The following FBXW11 variants were observed in gnomAD, a reference collection of about 807,000 sequenced individuals.
The protein encoded by FBXW11 is F-box/WD repeat-containing protein 11.
FBXW11 carries 19 observed loss-of-function variants against 77.6 expected under a neutral mutation model. That is an observed-to-expected ratio of 0.24 (90% CI 0.17 to 0.36). The LOEUF is 0.36. FBXW11 is among the 10% of genes least tolerant of loss of function. The probability of loss-of-function intolerance (pLI) is 1.00; values close to 1 mark genes in which losing one functional copy is unlikely to be tolerated. For missense variants in FBXW11, 334 were observed against 704.2 expected (o/e 0.47, Z 5.95); for synonymous variants, 235 against 249.4 (o/e 0.94, Z 0.54).
chr5:171,937,525 T>A (rs1762537337), intron 2 of FBXW11, among the ~76,000 whole-genome samples: 1 of 152,086 alleles, frequency 6.6e-6, no homozygotes, highest in Admixed American at 6.6e-5. Flanking sequence ...TGTGCTCCAA[T>A]AAAACTTTAT....
intron 2 of FBXW11, among the ~76,000 whole-genome samples, chr5:171,924,053 T>C (rs990834863): frequency 5.3e-5 from 8 of 150,404 alleles, no homozygotes; most frequent in Admixed American, 3.3e-4. Context: ...GCCTCCCGAG[T>C]AGCTGGGACT....
chr5:171,896,104 G>A (rs971015448), intron 6 of FBXW11, among the ~76,000 whole-genome samples: 8 of 152,106 alleles, frequency 5.3e-5, no homozygotes, highest in African/African-American at 1.9e-4. Flanking sequence ...GCCAATTTTC[G>A]GTGGGTCAAT....
chr5:171,894,181 G>GGACAGAGGAC (rs1759584148), intron 6 of FBXW11, among the ~76,000 whole-genome samples: 1 of 152,102 alleles, frequency 6.6e-6, no homozygotes, highest in Admixed American at 6.6e-5. Flanking sequence ...TGAGATGTCT[G>GGACAGAGGAC]GACAGAGGAC....
chr5:171,967,716 G>C (rs1764271086), intron 1 of FBXW11, among the ~76,000 whole-genome samples: 1 of 151,880 alleles, frequency 6.6e-6, no homozygotes, highest in African/African-American at 2.4e-5. Flanking sequence ...GGGTACGCCT[G>C]AAGTCCCAGC....
chr5:171,880,084 T>C (rs1758400675), intron 7 of FBXW11, among the ~76,000 whole-genome samples: 1 of 152,244 alleles, frequency 6.6e-6, no homozygotes, highest in Non-Finnish European at 1.5e-5. Flanking sequence ...GTCAGGTCTT[T>C]AATCCATTTT....
Position 171,876,173 on chromosome 5 carries a change from C to G in FBXW11, c.1221+112G>C, listed in dbSNP as rs942348669. 4.5e-6 allele frequency: 6 copies of G among 1,322,406 alleles called. No homozygotes were observed. The African/African-American group carries it at 8.6e-5, about 19-fold the overall frequency. The allele number at this position is 1,322,406 out of a possible 1,614,324, so 81.9% of individuals were successfully genotyped here. A position where few individuals can be genotyped will look rare whatever the true frequency, so the allele number is the denominator to read the frequency against. On this transcript the variant is annotated intron_variant, in intron 9 of 13. Transcript: ENST00000517395. This position sits in a 1 kb window ranked among gnomAD's most constrained non-coding sequence, Gnocchi z 4.2. Reference sequence around the variant, plus strand: ...GGATGGCCTCAAGGGTTCATAAGCACAGAGGAGAATAAAGATCTTGCCAGG... The same window carrying G: ...GGATGGCCTCAAGGGTTCATAAGCAGAGAGGAGAATAAAGATCTTGCCAGG...
In FBXW11 at chr5:171,862,764, C is replaced by T. The variant is rs181645006; in HGVS notation, c.*1363G>A. On this transcript the variant is annotated 3_prime_UTR_variant, in exon 14 of 14. Coordinates refer to ENST00000517395, the MANE Select transcript of FBXW11 (RefSeq NM_001378974.1). ...TTCATGGGCTTGAGGCTTCACTCCA[C>T]TTCAGAGCACCCACCCCTCAGCATG... 1.3e-5 allele frequency: 2 copies of T among 152,392 alleles called. No individual in the cohort carries two copies. The highest frequency in any genetic ancestry group is 1.9e-4 in the East Asian group (1 of 5,184). 9.4% of individuals were successfully genotyped at this position (152,392 alleles called of 1,614,324 possible). A position where few individuals can be genotyped will look rare whatever the true frequency, so the allele number is the denominator to read the frequency against.
At chr5:171,986,786 C>T (rs1440429355) in intron 1 of FBXW11, among the ~76,000 whole-genome samples, 1 of 152,168 alleles carries the variant, frequency 6.6e-6, no homozygotes, top group Non-Finnish European at 1.5e-5. Flanking sequence ...TGAAGCTCTA[C>T]CTATCCACAG....
At position 171,899,911 on chromosome 5, in the gene FBXW11, T is replaced by C; in HGVS notation, c.623+3A>G. 1 of 1,602,480 alleles carries C rather than the reference T, an allele frequency of 6.2e-7. No homozygotes were observed. The highest frequency in any genetic ancestry group is 8.5e-7 in the Non-Finnish European group (1 of 1,174,606). ...CAAGGGAACAAGCAACCCAAGTACT[T>C]ACCACCCTCTTCTTTCTGAAAGTCC... On this transcript the variant is annotated splice_donor_region_variant and intron_variant, in intron 5 of 13. Transcript: ENST00000517395.
chr5:171,881,455 T>A (rs993523750), intron 7 of FBXW11, among the ~76,000 whole-genome samples: 2 of 152,236 alleles, frequency 1.3e-5, no homozygotes, highest in Non-Finnish European at 2.9e-5. Context: ...CCTTTCTGCA[T>A]CTATTGACGT....
At chr5:171,885,972 G>C (rs1329700485) in intron 7 of FBXW11, among the ~76,000 whole-genome samples, 2 of 152,190 alleles carry the variant, frequency 1.3e-5, no homozygotes, top group Non-Finnish European at 2.9e-5. Flanking sequence ...TCTTCAAAGC[G>C]CACTTCTGCT....
intron 1 of FBXW11, among the ~76,000 whole-genome samples, chr5:171,989,151 T>C (rs939523540): frequency 2.9e-4 from 44 of 152,126 alleles, no homozygotes; most frequent in African/African-American, 1.1e-3. Flanking sequence ...CACTCCAGCC[T>C]GGGCAACAGA....
intron 1 of FBXW11, among the ~76,000 whole-genome samples, chr5:171,965,892 C>T (rs2113378411): frequency 6.6e-6 from 1 of 152,186 alleles, no homozygotes; most frequent in East Asian, 1.9e-4. Context: ...GTGGTTGACT[C>T]ATGGGGGTAG....
intron 1 of FBXW11, among the ~76,000 whole-genome samples, chr5:171,974,477 T>C (rs1012685693): frequency 4.6e-5 from 7 of 151,108 alleles, no homozygotes; most frequent in Non-Finnish European, 8.9e-5. Context: ...CACACATATA[T>C]ACAGGTAGCA....
intron 2 of FBXW11, among the ~76,000 whole-genome samples, chr5:171,943,493 T>C (rs370450504): frequency 6.6e-6 from 1 of 152,300 alleles, no homozygotes. Flanking sequence ...AGAGTCTCGC[T>C]CTGTCGCCAG....
intron 1 of FBXW11, among the ~76,000 whole-genome samples, chr5:171,993,721 T>C (rs1765880030): frequency 6.6e-6 from 1 of 152,220 alleles, no homozygotes; most frequent in Non-Finnish European, 1.5e-5. Context: ...AGTTGGTTAA[T>C]GTTGGTCCAA....
intron 2 of FBXW11, among the ~76,000 whole-genome samples, chr5:171,931,986 C>G (rs2113082645): frequency 6.6e-6 from 1 of 151,764 alleles, no homozygotes. Flanking sequence ...GTGATCCTCC[C>G]ACCTCAGCCT....
intron 2 of FBXW11, among the ~76,000 whole-genome samples, chr5:171,938,149 C>T (rs1359024418): frequency 1.3e-5 from 2 of 152,218 alleles, no homozygotes; most frequent in Non-Finnish European, 2.9e-5. Flanking sequence ...CCTCACTCTT[C>T]CAGACTCAAG....
At chr5:171,993,287 T>C (rs775789822) in intron 1 of FBXW11, among the ~76,000 whole-genome samples, 17 of 152,200 alleles carry the variant, frequency 1.1e-4, no homozygotes, top group Middle Eastern at 3.4e-3. Context: ...ACTAGCATAT[T>C]AATTAGGACC....
Sources: allele counts gnomAD v4.1 joint callset (sites outside exome capture counted in the v4.1 genomes callset), GRCh38; gene constraint gnomAD v4.1.1; non-coding constraint Gnocchi (gnomAD v3.1); transcripts MANE v1.5; gene names NCBI Gene and HGNC (gene_info 2026-07-23, HGNC 2026-07-21).